SLC9A9: variants seen among roughly 807,000 people sequenced by gnomAD.
SLC9A9 encodes the protein sodium/hydrogen exchanger 9.
A neutral mutation model predicts 77.8 loss-of-function variants in SLC9A9; 62 were observed. The observed-to-expected ratio is 0.80, with a 90% CI of 0.65 to 0.98. SLC9A9 has a LOEUF of 0.98. Among genes scored for constraint, SLC9A9 ranks in the 50% least tolerant of loss-of-function variants. SLC9A9 has a pLI of 0.00. For missense variants in SLC9A9, 775 were observed against 774.9 expected (o/e 1.00, Z 0.00); for synonymous variants, 320 against 283.5 (o/e 1.13, Z -1.29).
At chr3:143,836,490 T>A (rs2009573196) in intron 1 of SLC9A9, among the ~76,000 whole-genome samples, 1 of 152,200 alleles carries the variant, frequency 6.6e-6, no homozygotes. Context: ...GTGTCACAAA[T>A]AAGGAACATC....
intron 4 of SLC9A9, among the ~76,000 whole-genome samples, chr3:143,706,789 C>A (rs72993503): frequency 5.1e-4 from 78 of 152,306 alleles, no homozygotes; most frequent in African/African-American, 1.8e-3. Context: ...CATAAACTTT[C>A]TTTAAACATT....
intron 12 of SLC9A9, among the ~76,000 whole-genome samples, chr3:143,426,555 C>T (rs1367934694): frequency 6.6e-6 from 1 of 152,014 alleles, no homozygotes; most frequent in African/African-American, 2.4e-5. Flanking sequence ...CTTGTTCATC[C>T]CTAAATAATT....
At chr3:143,552,822 T>C (rs1465873319) in intron 8 of SLC9A9, among the ~76,000 whole-genome samples, 1 of 152,212 alleles carries the variant, frequency 6.6e-6, no homozygotes, top group African/African-American at 2.4e-5. Context: ...CTGGATTTTA[T>C]ACTAAATACT....
At chr3:143,622,442 G>C (rs1047357125) in intron 6 of SLC9A9, among the ~76,000 whole-genome samples, 1 of 152,224 alleles carries the variant, frequency 6.6e-6, no homozygotes, top group Admixed American at 6.5e-5. Flanking sequence ...CAAGCCAGAA[G>C]AGAGTGGGGG....
intron 14 of SLC9A9, among the ~76,000 whole-genome samples, chr3:143,274,968 C>A (rs1163192720): frequency 1.3e-5 from 2 of 152,270 alleles, no homozygotes; most frequent in South Asian, 2.1e-4. Context: ...TTAGTCCTAG[C>A]TAAATGATCA....
At chr3:143,593,066 T>TA (rs971026693) in intron 6 of SLC9A9, among the ~76,000 whole-genome samples, 8 of 151,780 alleles carry the variant, frequency 5.3e-5, no homozygotes, top group African/African-American at 1.4e-4. Flanking sequence ...AGGAGAGAAT[T>TA]AAAAAAAAAT....
rs569677307 is a variant in SLC9A9 at position 143,787,291 on chromosome 3, T to C, written c.533+7710A>G. 2.0e-5 allele frequency among the ~76,000 whole-genome samples: 3 copies of C among 152,342 alleles called. No individual in the cohort carries two copies. In the South Asian group the frequency reaches 6.2e-4, roughly 32 times the overall value. On this transcript the variant is annotated intron_variant, in intron 4 of 15. Transcript: ENST00000316549. ...TATAGACGATATACACAATTATAAA[T>C]CATCATAATATTTTGAATACCTAGA...
chr3:143,640,384 T>A (rs1262499313), intron 6 of SLC9A9, among the ~76,000 whole-genome samples: 1 of 152,158 alleles, frequency 6.6e-6, no homozygotes, highest in Non-Finnish European at 1.5e-5. Context: ...TGTACTGTAT[T>A]TAGTGCAAGT....
chr3:143,294,758 G>A (rs1490858477), intron 14 of SLC9A9, among the ~76,000 whole-genome samples: 1 of 152,148 alleles, frequency 6.6e-6, no homozygotes, highest in Non-Finnish European at 1.5e-5. Context: ...AAAGAACTGA[G>A]TGGTTAAATT....
At chr3:143,641,909 G>A (rs891789306) in intron 6 of SLC9A9, among the ~76,000 whole-genome samples, 13 of 151,972 alleles carry the variant, frequency 8.6e-5, no homozygotes, top group South Asian at 2.1e-4. Context: ...TATTTTGCCC[G>A]CCACTCCCAT....
chr3:143,326,651 T>C (rs1164134068), intron 14 of SLC9A9, among the ~76,000 whole-genome samples: 1 of 152,226 alleles, frequency 6.6e-6, no homozygotes, highest in Admixed American at 6.5e-5. Flanking sequence ...CCAACTACCT[T>C]CTCTAATGTA....
At position 143,268,874 on chromosome 3, in the gene SLC9A9, C is replaced by T; in HGVS notation, c.1710+1G>A. The T allele has an allele frequency of 6.2e-7, 1 of 1,606,660 alleles. No individual in the cohort carries two copies. ...ACCCTAGAGGCCTGAGATTTACTTA[C>T]CCCATAGGCTTGAGGACTGGTAAGC... is the stretch of plus-strand genomic sequence containing the variant. On this transcript the variant is annotated splice_donor_variant, in intron 15 of 15. Coordinates refer to ENST00000316549, the MANE Select transcript of SLC9A9 (RefSeq NM_173653.4). LOFTEE classifies it high-confidence loss of function.
At chr3:143,574,858 G>A (rs1172851748) in intron 7 of SLC9A9, among the ~76,000 whole-genome samples, 2 of 152,172 alleles carry the variant, frequency 1.3e-5, no homozygotes, top group African/African-American at 4.8e-5. Flanking sequence ...TTCAAGTTGG[G>A]CAGAGAATGG....
At chr3:143,768,656 G>A (rs1030367365) in intron 4 of SLC9A9, among the ~76,000 whole-genome samples, 1 of 152,124 alleles carries the variant, frequency 6.6e-6, no homozygotes, top group African/African-American at 2.4e-5. Context: ...AGTGCTATAT[G>A]CATAATAGGT....
At chr3:143,621,481 C>T (rs541894069) in intron 6 of SLC9A9, among the ~76,000 whole-genome samples, 17 of 152,314 alleles carry the variant, frequency 1.1e-4, no homozygotes, top group South Asian at 2.1e-4. Flanking sequence ...CTGCAGCCTC[C>T]GCTGCTGATA....
At chr3:143,654,908 C>A (rs1455597501) in intron 5 of SLC9A9, among the ~76,000 whole-genome samples, 1 of 152,158 alleles carries the variant, frequency 6.6e-6, no homozygotes, top group African/African-American at 2.4e-5. Flanking sequence ...ATTGAATATC[C>A]AGTTTTGTTC....
chr3:143,784,282 A>G (rs2007975583), intron 4 of SLC9A9, among the ~76,000 whole-genome samples: 1 of 152,118 alleles, frequency 6.6e-6, no homozygotes, highest in Admixed American at 6.6e-5. Flanking sequence ...AGGTTTATGT[A>G]TTTTCCCACA....
intron 9 of SLC9A9, among the ~76,000 whole-genome samples, chr3:143,544,503 A>G (rs2036750501): frequency 6.6e-6 from 1 of 151,834 alleles, no homozygotes; most frequent in African/African-American, 2.4e-5. Context: ...CCCTTTGCCC[A>G]ATTTTTATGG....
In SLC9A9 at chr3:143,804,776, C is replaced by G. The variant is rs913794729; in HGVS notation, c.379-7873G>C. On this transcript the variant is annotated intron_variant, in intron 2 of 15. Coordinates refer to ENST00000316549, the MANE Select transcript of SLC9A9 (RefSeq NM_173653.4). ...GTCGGTTTAGGACTTTCCACCTCCA[C>G]TATTGCTCTAGGTACTGGAATAGCA... 5.9e-5 allele frequency among the ~76,000 whole-genome samples: 9 copies of G among 152,298 alleles called. No individual in the cohort carries two copies. The East Asian group carries it at 1.7e-3, about 29-fold the overall frequency.
Sources: gnomAD v4.1 joint callset for allele counts (sites outside exome capture counted in the v4.1 genomes callset) on GRCh38, gnomAD v4.1.1 for gene constraint, MANE v1.5 for transcripts, NCBI Gene and HGNC (gene_info 2026-07-23, HGNC 2026-07-21) for gene names.